ADAMTS17: variants seen among roughly 807,000 people sequenced by gnomAD.
ADAMTS17 encodes A disintegrin and metalloproteinase with thrombospondin motifs 17.
ADAMTS17 carries 113 observed loss-of-function variants against 141.5 expected under a neutral mutation model. That is an observed-to-expected ratio of 0.80 (90% CI 0.69 to 0.93). The LOEUF is 0.93. ADAMTS17 is among the 40% of genes least tolerant of loss of function. The pLI, the probability that ADAMTS17 is intolerant of heterozygous loss-of-function variation, is 0.00. For missense variants in ADAMTS17, 1,659 were observed against 1,517.9 expected, an observed-to-expected ratio of 1.09 and a Z score of -1.54; for synonymous variants, 768 against 630.6, an observed-to-expected ratio of 1.22 and a Z score of -3.27.
chr15:100,252,229 C>T (rs922762738), intron 7 of ADAMTS17, among the ~76,000 whole-genome samples: 2 of 152,218 alleles, frequency 1.3e-5, no homozygotes, highest in Non-Finnish European at 2.9e-5. Flanking sequence ...AAGAAAACCA[C>T]ACCACTGGAT....
In ADAMTS17 at chr15:100,049,281, T is replaced by C. The variant is rs113463017; in HGVS notation, c.2456-289A>G. Among the ~76,000 whole-genome samples the C allele has an allele frequency of 5.7e-3, 861 of 152,316 alleles. 9 individuals are homozygous for C. Among genetic ancestry groups the C allele is most frequent in the African/African-American group, 0.02 (826 of 41,560 alleles). ...CTTGGACAGCTTGGGGTTCGTTGATTTGGGCCTTTGATTTCCAAAGATTGC... is the reference window on the plus strand; with the variant it reads ...CTTGGACAGCTTGGGGTTCGTTGATCTGGGCCTTTGATTTCCAAAGATTGC... On this transcript the variant is annotated intron_variant, in intron 17 of 21. Coordinates refer to ENST00000268070, the MANE Select transcript of ADAMTS17 (RefSeq NM_139057.4).
At chr15:99,980,328 T>A (rs997654198) in intron 20 of ADAMTS17, 1 of 152,092 alleles carries the variant, frequency 6.6e-6, no homozygotes, top group Non-Finnish European at 1.5e-5. Flanking sequence ...TTCAAAAAAG[T>A]AAAAACTAAA....
chr15:100,070,486 T>C (rs1220918847), intron 15 of ADAMTS17, among the ~76,000 whole-genome samples: 1 of 150,278 alleles, frequency 6.7e-6, no homozygotes, highest in Admixed American at 6.7e-5. Context: ...GACCACTTAG[T>C]TGGAAGTAAA....
chr15:100,079,753 G>GCCAAGACTACCATCCGTGGAGTCT (rs1323171893), intron 15 of ADAMTS17, among the ~76,000 whole-genome samples: 2 of 152,258 alleles, frequency 1.3e-5, no homozygotes, highest in African/African-American at 4.8e-5. Context: ...AAATGCTTCT[G>GCCAAGACTACCATCCGTGGAGTCT]CCAAGACTAC....
chr15:99,984,312 G>A (rs1367167011), intron 20 of ADAMTS17, among the ~76,000 whole-genome samples: 1 of 152,186 alleles, frequency 6.6e-6, no homozygotes, highest in Non-Finnish European at 1.5e-5. Context: ...GCTGTTCCCT[G>A]TGGGTAACTT....
At chr15:100,169,410 A>C (rs2040074516) in intron 8 of ADAMTS17, among the ~76,000 whole-genome samples, 1 of 152,190 alleles carries the variant, frequency 6.6e-6, no homozygotes, top group Non-Finnish European at 1.5e-5. Context: ...ATGCCCACCA[A>C]GTGGGGAGTA....
In ADAMTS17 at chr15:99,997,677, G is replaced by T. The variant is rs1369961431; in HGVS notation, c.2592-88C>A. ...CTTCCGGCCGGATCCTGGAATTGCT[G>T]CCCTGTGGTGGGAGAGAGGGAGGCA... On this transcript the variant is annotated intron_variant, in intron 18 of 21. Transcript: ENST00000268070. The surrounding 1 kb of genome is among the most constrained non-coding windows in gnomAD (Gnocchi z 4.7). 2.0e-6 allele frequency: 3 copies of T among 1,536,670 alleles called. No homozygotes were observed. In the Admixed American group the frequency reaches 5.1e-5, roughly 26 times the overall value.
intron 8 of ADAMTS17, among the ~76,000 whole-genome samples, chr15:100,181,877 A>G (rs1243056848): frequency 6.6e-6 from 1 of 152,240 alleles, no homozygotes; most frequent in African/African-American, 2.4e-5. Context: ...AGTCCAACAC[A>G]GCACTAGGAC....
At chr15:100,161,068 G>A (rs1342532678) in intron 8 of ADAMTS17, among the ~76,000 whole-genome samples, 1 of 152,226 alleles carries the variant, frequency 6.6e-6, no homozygotes, top group East Asian at 1.9e-4. Flanking sequence ...TGAGGGCACA[G>A]ATGGGCCTTG....
At chr15:100,206,104 G>A (rs952678164) in intron 7 of ADAMTS17, among the ~76,000 whole-genome samples, 5 of 152,228 alleles carry the variant, frequency 3.3e-5, no homozygotes, top group African/African-American at 7.2e-5. Context: ...TCCCTGTGTG[G>A]GGAGCAACGG....
At chr15:100,319,454 T>A (rs1002405971) in intron 3 of ADAMTS17, among the ~76,000 whole-genome samples, 2 of 152,170 alleles carry the variant, frequency 1.3e-5, no homozygotes, top group African/African-American at 4.8e-5. Context: ...CTCACGCCTG[T>A]AATCCCAGCA....
intron 18 of ADAMTS17, among the ~76,000 whole-genome samples, chr15:100,008,312 A>G (rs2061078902): frequency 6.6e-6 from 1 of 152,010 alleles, no homozygotes; most frequent in South Asian, 2.1e-4. Context: ...GGACAAGGGG[A>G]TTTCTGTGGC....
intron 8 of ADAMTS17, among the ~76,000 whole-genome samples, chr15:100,160,854 CG>C (rs1239517411): frequency 6.6e-6 from 1 of 152,112 alleles, no homozygotes. Flanking sequence ...AGCATTAGAC[CG>C]GGAGGAGCCT....
chr15:100,130,416 C>A (rs1206924788), intron 12 of ADAMTS17, among the ~76,000 whole-genome samples: 2 of 151,932 alleles, frequency 1.3e-5, no homozygotes, highest in East Asian at 3.9e-4. Context: ...ATGTGCCCCG[C>A]ACTCTGCTGG....
At chr15:100,259,680 TG>T (rs2043448748) in intron 6 of ADAMTS17, among the ~76,000 whole-genome samples, 1 of 152,244 alleles carries the variant, frequency 6.6e-6, no homozygotes, top group African/African-American at 2.4e-5. Flanking sequence ...AATCATATCC[TG>T]TAGAAGCAGC....
chr15:100,237,084 G>A (rs1326210953), intron 7 of ADAMTS17, among the ~76,000 whole-genome samples: 1 of 151,960 alleles, frequency 6.6e-6, no homozygotes, highest in Non-Finnish European at 1.5e-5. Flanking sequence ...CCCTGCCCCT[G>A]CAACATCTTA....
At chr15:100,152,520 T>A (rs1007808603) in intron 10 of ADAMTS17, 92 bp downstream of exon 10, 4 of 1,556,096 alleles carry the variant, frequency 2.6e-6, no homozygotes, top group Admixed American at 3.4e-5. Flanking sequence ...GTGCTGAGTG[T>A]GAATGCCCAT....
chr15:100,197,327 C>T (rs905910126), intron 8 of ADAMTS17, among the ~76,000 whole-genome samples: 2 of 152,190 alleles, frequency 1.3e-5, no homozygotes, highest in East Asian at 3.8e-4. Context: ...TTCAAAGGCC[C>T]ATAGCAACTC....
chr15:99,982,475 C>A (rs2060500381), intron 20 of ADAMTS17, among the ~76,000 whole-genome samples: 1 of 152,160 alleles, frequency 6.6e-6, no homozygotes, highest in Non-Finnish European at 1.5e-5. Context: ...TGAACGACAC[C>A]CTCGTAACCT....
Sources: gnomAD v4.1 joint callset for allele counts (sites outside exome capture counted in the v4.1 genomes callset) on GRCh38, gnomAD v4.1.1 for gene constraint, Gnocchi (gnomAD v3.1) non-coding constraint, MANE v1.5 for transcripts, NCBI Gene and HGNC (gene_info 2026-07-23, HGNC 2026-07-21) for gene names.